Variants in FBXL17 observed in about 807,000 individuals in gnomAD.
FBXL17 encodes the protein F-box and leucine rich repeat protein 17.
FBXL17 carries 22 observed loss-of-function variants against 66.2 expected under a neutral mutation model. The observed-to-expected ratio is 0.33, with a 90% CI of 0.24 to 0.47. The LOEUF is 0.47. Among genes scored for constraint, FBXL17 ranks in the 20% least tolerant of loss-of-function variants. FBXL17 has a pLI of 1.00. For synonymous variants in FBXL17, 474 were observed against 400.5 expected, an observed-to-expected ratio of 1.18 and a Z score of -2.19; for missense variants, 878 against 948.2, an observed-to-expected ratio of 0.93 and a Z score of 0.97.
At chr5:108,207,999 T>C (rs1045019046) in intron 5 of FBXL17, among the ~76,000 whole-genome samples, 6 of 152,208 alleles carry the variant, frequency 3.9e-5, no homozygotes, top group South Asian at 2.1e-4. Flanking sequence ...TTTTTAATGA[T>C]TGCCATTAAT....
intron 7 of FBXL17, among the ~76,000 whole-genome samples, chr5:107,941,022 C>T (rs2112589289): frequency 1.3e-5 from 2 of 152,036 alleles, no homozygotes; most frequent in Non-Finnish European, 2.9e-5. Flanking sequence ...AAACATCTGC[C>T]ATACAAACAG....
chr5:107,913,052 A>T (rs1750004168), intron 7 of FBXL17, among the ~76,000 whole-genome samples: 1 of 151,994 alleles, frequency 6.6e-6, no homozygotes, highest in Non-Finnish European at 1.5e-5. Flanking sequence ...AAAAGTAGAG[A>T]TCATATTTTA....
At chr5:108,087,175 C>G (rs1355098937) in intron 6 of FBXL17, among the ~76,000 whole-genome samples, 2 of 152,164 alleles carry the variant, frequency 1.3e-5, no homozygotes, top group Admixed American at 6.5e-5. Flanking sequence ...CTATCAAGGC[C>G]TTGACTTGGT....
At chr5:107,917,902 C>A in intron 7 of FBXL17, among the ~76,000 whole-genome samples, 1 of 152,144 alleles carries the variant, frequency 6.6e-6, no homozygotes, top group Non-Finnish European at 1.5e-5. Flanking sequence ...TACAATTTCA[C>A]AAGAAAATTT....
chr5:108,115,512 G>C (rs2149958165), intron 6 of FBXL17, among the ~76,000 whole-genome samples: 1 of 151,946 alleles, frequency 6.6e-6, no homozygotes, highest in African/African-American at 2.4e-5. Context: ...GGTAGGCACT[G>C]AGGCAAATTG....
At chr5:108,356,884 G>C (rs879277716) in intron 3 of FBXL17, among the ~76,000 whole-genome samples, 14 of 152,110 alleles carry the variant, frequency 9.2e-5, no homozygotes, top group Non-Finnish European at 1.8e-4. Context: ...ACTCTGGTGA[G>C]GGATACTGAT....
At chr5:107,982,237 A>G (rs1050636449) in intron 7 of FBXL17, among the ~76,000 whole-genome samples, 2 of 152,200 alleles carry the variant, frequency 1.3e-5, no homozygotes, top group Admixed American at 1.3e-4. Flanking sequence ...GTAAACTGAA[A>G]GCTTAAAAGG....
chr5:108,284,219 T>C (rs897670742), intron 4 of FBXL17, among the ~76,000 whole-genome samples: 2 of 151,812 alleles, frequency 1.3e-5, no homozygotes, highest in Non-Finnish European at 3.0e-5. Context: ...AAAAAAGATA[T>C]CTGCATTCAT....
chr5:108,028,059 C>T (rs1057017610), intron 6 of FBXL17, among the ~76,000 whole-genome samples: 12 of 152,088 alleles, frequency 7.9e-5, no homozygotes, highest in Non-Finnish European at 1.2e-4. Context: ...TGTCACCCTA[C>T]ATGTAACAAG....
intron 4 of FBXL17, among the ~76,000 whole-genome samples, chr5:108,278,376 A>C (rs954278764): frequency 2.0e-5 from 3 of 152,230 alleles, no homozygotes; most frequent in Non-Finnish European, 2.9e-5. Flanking sequence ...CCGCTGCACC[A>C]GTCCTAGGTG....
At chr5:107,873,961 C>T (rs1300547088) in intron 8 of FBXL17, among the ~76,000 whole-genome samples, 1 of 152,178 alleles carries the variant, frequency 6.6e-6, no homozygotes. Context: ...GCCAGCAAAA[C>T]ATAAGCAGCT....
At chr5:108,322,759 G>T (rs1437437420) in intron 4 of FBXL17, among the ~76,000 whole-genome samples, 1 of 151,778 alleles carries the variant, frequency 6.6e-6, no homozygotes, top group Non-Finnish European at 1.5e-5. Flanking sequence ...TCCAAACAGG[G>T]TGCTGAGGTA....
At chr5:108,089,670 G>A (rs1181901747) in intron 6 of FBXL17, among the ~76,000 whole-genome samples, 1 of 152,190 alleles carries the variant, frequency 6.6e-6, no homozygotes, top group Non-Finnish European at 1.5e-5. Flanking sequence ...TAAAAGGGCT[G>A]AGACCCACAG....
At chr5:108,354,830 C>T (rs1290432704) in intron 3 of FBXL17, among the ~76,000 whole-genome samples, 3 of 151,550 alleles carry the variant, frequency 2.0e-5, no homozygotes, top group Non-Finnish European at 2.9e-5. Flanking sequence ...TCTAACTTTT[C>T]CTTAGAAACC....
intron 6 of FBXL17, among the ~76,000 whole-genome samples, chr5:108,148,463 T>C (rs953111121): frequency 6.6e-6 from 1 of 152,196 alleles, no homozygotes; most frequent in African/African-American, 2.4e-5. Flanking sequence ...AAACCATCTA[T>C]GGTCTGGAGC....
intron 7 of FBXL17, among the ~76,000 whole-genome samples, chr5:107,967,640 C>T (rs1025103823): frequency 2.6e-5 from 4 of 151,182 alleles, no homozygotes; most frequent in African/African-American, 9.7e-5. Flanking sequence ...TGTAACAAAC[C>T]TGCACATTAT....
At chr5:108,370,257 T>C (rs56929525) in intron 1 of FBXL17, among the ~76,000 whole-genome samples, 10,386 of 152,246 alleles carry the variant, frequency 0.068, 1,204 homozygotes, top group African/African-American at 0.24. Flanking sequence ...TAAAGGCTAT[T>C]AGTCAAGGAT....
At chr5:107,938,361 T>C (rs986169647) in intron 7 of FBXL17, among the ~76,000 whole-genome samples, 3 of 151,904 alleles carry the variant, frequency 2.0e-5, no homozygotes, top group African/African-American at 7.3e-5. Flanking sequence ...GGGTAGCTCA[T>C]ACTGAGAAAA....
At chr5:107,993,309 G>A (rs1451130661) in intron 7 of FBXL17, among the ~76,000 whole-genome samples, 1 of 152,076 alleles carries the variant, frequency 6.6e-6, no homozygotes, top group Non-Finnish European at 1.5e-5. Context: ...CTCTCATACT[G>A]TTATGGTAAG....
Sources: gnomAD v4.1 joint callset for allele counts (sites outside exome capture counted in the v4.1 genomes callset) on GRCh38, gnomAD v4.1.1 for gene constraint, MANE v1.5 for transcripts, NCBI Gene and HGNC (gene_info 2026-07-23, HGNC 2026-07-21) for gene names.